The following NRP1 variants were observed in gnomAD, a reference collection of about 807,000 sequenced individuals.
The protein encoded by NRP1 is neuropilin 1.
Under a neutral mutation model 106.7 loss-of-function variants are expected in NRP1, and 35 were observed. That is an observed-to-expected ratio of 0.33 (90% CI 0.25 to 0.43). The LOEUF (loss-of-function observed/expected upper bound fraction) is 0.43, where lower values mean the gene tolerates loss of function less well. Ranked by LOEUF, NRP1 falls within the 20% of genes least tolerant of loss-of-function variation. The pLI is 1.00. For synonymous variants in NRP1, 437 were observed against 417.9 expected (o/e 1.05, Z -0.56); for missense variants, 1,024 against 1,170.4 (o/e 0.87, Z 1.83).
intron 9 of NRP1, 88 bp downstream of exon 9, chr10:33,213,298 A>G (rs1404388653): frequency 1.2e-6 from 2 of 1,613,990 alleles, no homozygotes; most frequent in Middle Eastern, 1.6e-4. Context: ...GGAAGGAAAT[A>G]AGAAGCCCTT....
intron 2 of NRP1, among the ~76,000 whole-genome samples, chr10:33,300,958 G>A (rs899115842): frequency 2.6e-5 from 4 of 152,166 alleles, no homozygotes; most frequent in Admixed American, 2.6e-4. Flanking sequence ...CCTCAACATT[G>A]GCGAAATAAA....
intron 2 of NRP1, among the ~76,000 whole-genome samples, chr10:33,322,665 G>A (rs1273893532): frequency 6.6e-6 from 1 of 152,188 alleles, no homozygotes; most frequent in Non-Finnish European, 1.5e-5. Context: ...TTACAGACCT[G>A]AGCCACCACT....
At chr10:33,304,941 T>C (rs1293812598) in intron 2 of NRP1, among the ~76,000 whole-genome samples, 2 of 152,250 alleles carry the variant, frequency 1.3e-5, no homozygotes, top group Non-Finnish European at 2.9e-5. Flanking sequence ...CCAGATTGAC[T>C]TAAAGTAATG....
At chr10:33,281,055 T>A (rs1844091468) in intron 2 of NRP1, among the ~76,000 whole-genome samples, 2 of 37,842 alleles carry the variant, frequency 5.3e-5, no homozygotes, top group Non-Finnish European at 1.3e-4. Flanking sequence ...GCCTTCCAAA[T>A]TTTTTTTTTT....
rs375098028 is a variant in NRP1, at chr10:33,228,732, G to A, written c.982-2443C>T. Among the ~76,000 whole-genome samples, 22 of 152,136 alleles carry A rather than the reference G, an allele frequency of 1.4e-4. No homozygotes were observed. The East Asian group carries it at 1.9e-3, about 13-fold the overall frequency. On this transcript the variant is annotated intron_variant, in intron 6 of 16. Coordinates refer to ENST00000374867, the MANE Select transcript of NRP1 (RefSeq NM_003873.7). The stretch of plus-strand genomic sequence containing the variant: ...GGAAAGAATGGGACTATCATTCAAC[G>A]CAAAATAATCTTTATTTCATTTCCC...
chr10:33,298,664 C>T (rs565223677), intron 2 of NRP1, among the ~76,000 whole-genome samples: 1 of 152,246 alleles, frequency 6.6e-6, no homozygotes, highest in Admixed American at 6.5e-5. Flanking sequence ...TGCCTCTAAG[C>T]CCTTGTTCTG....
At chr10:33,191,984 A>C (rs1332658869) in intron 13 of NRP1, among the ~76,000 whole-genome samples, 2 of 135,046 alleles carry the variant, frequency 1.5e-5, no homozygotes, top group East Asian at 1.9e-4. Context: ...TTTCAAAAAA[A>C]AAAAAAAAAA....
At position 33,314,951 on chromosome 10, in the gene NRP1, A is replaced by T. The variant is rs1588978927; in HGVS notation, c.248+15757T>A. ...TGGGGTTGCCAGCTGGAACGGAAGC[A>T]GGCTCTAAATTATTTGTGTTTAATT... On this transcript the variant is annotated intron_variant, in intron 2 of 16. Coordinates refer to ENST00000374867, the MANE Select transcript of NRP1 (RefSeq NM_003873.7). 2.0e-5 allele frequency among the ~76,000 whole-genome samples: 3 copies of T among 152,240 alleles called. No individual in the cohort carries two copies. The East Asian group carries it at 5.8e-4, about 29-fold the overall frequency.
intron 2 of NRP1, among the ~76,000 whole-genome samples, chr10:33,283,835 CTCAG>C (rs1416873711): frequency 6.6e-6 from 1 of 152,212 alleles, no homozygotes; most frequent in Non-Finnish European, 1.5e-5. Flanking sequence ...GGAGCACCAT[CTCAG>C]CTAAGTTTAA....
At chr10:33,313,899 T>C (rs1846800749) in intron 2 of NRP1, among the ~76,000 whole-genome samples, 1 of 152,186 alleles carries the variant, frequency 6.6e-6, no homozygotes, top group Non-Finnish European at 1.5e-5. Flanking sequence ...CCCATGGAAA[T>C]GGAAATGCAA....
At chr10:33,231,701 C>T (rs577752565) in intron 6 of NRP1, among the ~76,000 whole-genome samples, 2 of 152,228 alleles carry the variant, frequency 1.3e-5, no homozygotes, top group South Asian at 4.2e-4. Flanking sequence ...GAACCCATGA[C>T]TACCGTACAG....
At position 33,182,689 on chromosome 10, in the gene NRP1, C is replaced by G; in HGVS notation, c.2482+9G>C. 1 of 1,608,986 alleles carries G rather than the reference C, an allele frequency of 6.2e-7. No individual in the cohort carries two copies. Among genetic ancestry groups the G allele is most frequent in the Non-Finnish European group, 8.5e-7 (1 of 1,176,598 alleles). The stretch of plus-strand genomic sequence containing the variant: ...ATTTTTTAAAAATTGGTCAGCAAGA[C>G]AAATTTACCTGTTTCATCAATTTTA... On this transcript the variant is annotated intron_variant, in intron 16 of 16. Coordinates refer to ENST00000374867, the MANE Select transcript of NRP1 (RefSeq NM_003873.7).
At chr10:33,254,687 C>T (rs1281157473) in intron 5 of NRP1, among the ~76,000 whole-genome samples, 1 of 152,108 alleles carries the variant, frequency 6.6e-6, no homozygotes, top group Non-Finnish European at 1.5e-5. Context: ...CTATTGGCAC[C>T]CAGACCACCT....
Position 33,308,780 on chromosome 10 carries a change from T to C in NRP1, c.248+21928A>G, listed in dbSNP as rs186888583. Among the ~76,000 whole-genome samples, 428 of 152,270 alleles carry C rather than the reference T, an allele frequency of 2.8e-3. 3 individuals are homozygous for C. Among genetic ancestry groups the C allele is most frequent in the African/African-American group, 0.01 (418 of 41,554 alleles). The stretch of plus-strand genomic sequence containing the variant: ...CTGGGATTACAGGTGTGAGCCACCA[T>C]GCCTGGCCTCAATTTTTTTAAAAAA... On this transcript the variant is annotated intron_variant, in intron 2 of 16. Transcript: ENST00000374867.
intron 6 of NRP1, among the ~76,000 whole-genome samples, chr10:33,239,815 C>T (rs1424290260): frequency 6.6e-6 from 1 of 152,122 alleles, no homozygotes; most frequent in Non-Finnish European, 1.5e-5. Context: ...TATTTTAGAG[C>T]TAAGGTTATT....
At chr10:33,224,227 C>T (rs1340155713) in intron 7 of NRP1, among the ~76,000 whole-genome samples, 3 of 152,162 alleles carry the variant, frequency 2.0e-5, no homozygotes, top group Non-Finnish European at 4.4e-5. Context: ...ATTCCTTCTG[C>T]CTCTCCCCTT....
chr10:33,213,346 G>C (rs1838468623), intron 9 of NRP1, 40 bp downstream of exon 9: 1 of 1,614,100 alleles, frequency 6.2e-7, no homozygotes, highest in African/African-American at 1.3e-5. Context: ...TTGAAGTCAA[G>C]GACATAAGGG....
At position 33,206,078 on chromosome 10, in the gene NRP1, G is replaced by C. The variant is rs1837751953; in HGVS notation, c.1759+1494C>G. 9.6e-6 allele frequency: 4 copies of C among 415,964 alleles called. No individual in the cohort carries two copies. In the Admixed American group the frequency reaches 1.0e-4, roughly 11 times the overall value. 25.8% of individuals were successfully genotyped at this position (415,964 alleles called of 1,614,324 possible). On this transcript the variant is annotated intron_variant, in intron 10 of 16. Coordinates refer to ENST00000374867, the MANE Select transcript of NRP1 (RefSeq NM_003873.7). ...GTCAGATCTCTTTCACTGTCATCAT[G>C]TTCTCATTACAATTTTTGCAAGCGT...
At chr10:33,316,963 G>C (rs938844853) in intron 2 of NRP1, among the ~76,000 whole-genome samples, 1 of 151,454 alleles carries the variant, frequency 6.6e-6, no homozygotes, top group East Asian at 1.9e-4. Context: ...ATAAGAAAGA[G>C]AGAGAGAGTG....
Sources: gnomAD v4.1 joint callset for allele counts (sites outside exome capture counted in the v4.1 genomes callset) on GRCh38, gnomAD v4.1.1 for gene constraint, MANE v1.5 for transcripts, NCBI Gene and HGNC (gene_info 2026-07-23, HGNC 2026-07-21) for gene names.